ZRANB3: variants seen among roughly 807,000 people sequenced by gnomAD.
ZRANB3 encodes DNA annealing helicase and endonuclease ZRANB3.
A neutral mutation model predicts 133.8 loss-of-function variants in ZRANB3; 125 were observed. That is an observed-to-expected ratio of 0.93 (90% CI 0.81 to 1.08). The LOEUF (loss-of-function observed/expected upper bound fraction) is 1.08, where lower values mean the gene tolerates loss of function less well. ZRANB3 is among the 50% of genes least tolerant of loss of function. The probability of loss-of-function intolerance (pLI) is 0.00; values close to 1 mark genes in which losing one functional copy is unlikely to be tolerated. For synonymous variants in ZRANB3, 387 were observed against 432.7 expected, an observed-to-expected ratio of 0.89 and a Z score of 1.31; for missense variants, 1,229 against 1,275.5, an observed-to-expected ratio of 0.96 and a Z score of 0.56.
At chr2:135,451,635 C>CA (rs369120911) in intron 2 of ZRANB3, among the ~76,000 whole-genome samples, 3 of 150,888 alleles carry the variant, frequency 2.0e-5, no homozygotes, top group East Asian at 1.9e-4. Context: ...AAAACAGAAA[C>CA]AAAAAATCAC....
chr2:135,379,793 C>A (rs1306528829), intron 3 of ZRANB3, among the ~76,000 whole-genome samples: 1 of 152,124 alleles, frequency 6.6e-6, no homozygotes, highest in Non-Finnish European at 1.5e-5. Context: ...ATGACAGGAT[C>A]AAATGCACAC....
intron 6 of ZRANB3, among the ~76,000 whole-genome samples, chr2:135,332,258 T>TCAAAC (rs1684181096): frequency 6.6e-6 from 1 of 152,124 alleles, no homozygotes; most frequent in African/African-American, 2.4e-5. Flanking sequence ...TACCTCCCTA[T>TCAAAC]TAAGTTCCAC....
intron 1 of ZRANB3, among the ~76,000 whole-genome samples, chr2:135,516,952 T>C (rs959746722): frequency 6.6e-6 from 1 of 152,164 alleles, no homozygotes; most frequent in Non-Finnish European, 1.5e-5. Flanking sequence ...CCATATTTCT[T>C]GGAGGCTTTG....
At chr2:135,461,746 T>A (rs557155645) in intron 2 of ZRANB3, among the ~76,000 whole-genome samples, 17 of 152,302 alleles carry the variant, frequency 1.1e-4, no homozygotes, top group African/African-American at 3.4e-4. Context: ...ATGATACTAG[T>A]TCTGAAGTCA....
intron 12 of ZRANB3, among the ~76,000 whole-genome samples, chr2:135,248,569 ACT>A (rs1294395731): frequency 6.6e-6 from 1 of 150,594 alleles, no homozygotes; most frequent in Non-Finnish European, 1.5e-5. Context: ...TCTATAAGAA[ACT>A]TAAACAAATT....
intron 3 of ZRANB3, among the ~76,000 whole-genome samples, chr2:135,390,327 G>C (rs1171718066): frequency 1.3e-5 from 2 of 152,102 alleles, no homozygotes; most frequent in Non-Finnish European, 2.9e-5. Flanking sequence ...CCATTTCAGA[G>C]AGAAAACACG....
chr2:135,418,461 A>T (rs13432354), intron 2 of ZRANB3, among the ~76,000 whole-genome samples: 12,084 of 152,026 alleles, frequency 0.079, 1,555 homozygotes, highest in African/African-American at 0.27. Flanking sequence ...GTTTTTTTTT[A>T]AAATCTAGGG....
At chr2:135,215,965 C>G (rs2105049190) in intron 17 of ZRANB3, among the ~76,000 whole-genome samples, 1 of 152,204 alleles carries the variant, frequency 6.6e-6, no homozygotes, top group Admixed American at 6.5e-5. Context: ...GACCAAATTG[C>G]TCCAAATTGA....
chr2:135,482,266 T>C (rs913961392), intron 2 of ZRANB3, among the ~76,000 whole-genome samples: 1 of 134,642 alleles, frequency 7.4e-6, no homozygotes, highest in African/African-American at 3.5e-5. Context: ...TGTTCTTCCA[T>C]TTGTTTGTAT....
At chr2:135,414,395 A>T (rs1688455816) in intron 2 of ZRANB3, among the ~76,000 whole-genome samples, 1 of 152,210 alleles carries the variant, frequency 6.6e-6, no homozygotes, top group Admixed American at 6.5e-5. Context: ...GTTCAACAAG[A>T]AGAGCTAACT....
At chr2:135,461,923 A>G (rs889347539) in intron 2 of ZRANB3, among the ~76,000 whole-genome samples, 7 of 152,202 alleles carry the variant, frequency 4.6e-5, no homozygotes, top group African/African-American at 1.7e-4. Flanking sequence ...CTCTAGGCAA[A>G]GTAAGATTCA....
chr2:135,478,946 T>C (rs1046971459), intron 2 of ZRANB3, among the ~76,000 whole-genome samples: 1 of 151,956 alleles, frequency 6.6e-6, no homozygotes. Context: ...TACATACTTA[T>C]ATATGTTATA....
chr2:135,208,881 C>A lies in ZRANB3; in HGVS notation c.2593G>T (p.Asp865Tyr). The A allele has an allele frequency of 6.2e-7, 1 of 1,613,858 alleles. No individual in the cohort carries two copies. The highest frequency in any genetic ancestry group is 8.5e-7 in the Non-Finnish European group (1 of 1,179,792). ...GAAAAACCTTACTTTGTGAAAGGAT[C>A]CCGTGGCCTGGACTCCTTTGTGATC... is the stretch of plus-strand genomic sequence containing the variant. ...RLITKESRPR[D>Y]PFTKKLLEDG... is the part of the protein sequence containing the mutation. The change falls in exon 18 of 21, where the codon GAT becomes TAT. Residue 865 changes from aspartate (D) to tyrosine (Y), a missense_variant. Coordinates refer to ENST00000264159, the MANE Select transcript of ZRANB3 (RefSeq NM_032143.4).
chr2:135,525,809 T>C (rs1208315576), intron 1 of ZRANB3, among the ~76,000 whole-genome samples: 3 of 148,396 alleles, frequency 2.0e-5, no homozygotes, highest in Non-Finnish European at 3.0e-5. Flanking sequence ...GATCACACCA[T>C]TGCACTCTGG....
intron 19 of ZRANB3, among the ~76,000 whole-genome samples, chr2:135,204,748 TTATA>T (rs1244168631): frequency 6.9e-6 from 1 of 144,954 alleles, no homozygotes; most frequent in African/African-American, 2.5e-5. Flanking sequence ...TATATTTATA[TTATA>T]TATTTATATA....
At chr2:135,215,261 T>C (rs183144421) in intron 17 of ZRANB3, among the ~76,000 whole-genome samples, 1 of 151,850 alleles carries the variant, frequency 6.6e-6, no homozygotes, top group East Asian at 1.9e-4. Context: ...TTTGTTTTAT[T>C]TTATTTTATT....
In ZRANB3 at chr2:135,353,457, C is replaced by A; in HGVS notation, c.352G>T (p.Asp118Tyr). ...EEINVIQNKT[D>Y]VRRMSTSKVT... ...TTAAACAGTTGTTCTTACCTAACAT[C>A]AGTTTTATTCTGAATAACATTGATT... is the stretch of plus-strand genomic sequence containing the variant. The change falls in exon 4 of 21, where the codon GAT becomes TAT. Residue 118 changes from aspartate (D) to tyrosine (Y), a missense_variant. By Grantham distance (160) the Asp-to-Tyr change is radical (BLOSUM62 -3). Transcript: ENST00000264159. 6.3e-7 allele frequency: 1 copy of A among 1,575,350 alleles called. No homozygotes were observed. The highest frequency in any genetic ancestry group is 1.2e-5 in the South Asian group (1 of 83,574).
intron 6 of ZRANB3, among the ~76,000 whole-genome samples, chr2:135,326,454 G>A (rs913326841): frequency 4.6e-5 from 7 of 152,014 alleles, no homozygotes; most frequent in Admixed American, 3.9e-4. Context: ...TTTAAATGGG[G>A]ATTAAAATTT....
intron 1 of ZRANB3, among the ~76,000 whole-genome samples, chr2:135,506,866 G>A (rs957388999): frequency 2.0e-5 from 3 of 152,144 alleles, no homozygotes; most frequent in African/African-American, 7.2e-5. Context: ...GCTTCAGTAG[G>A]CAATTGAATT....
Sources: gnomAD v4.1 joint callset for allele counts (sites outside exome capture counted in the v4.1 genomes callset) on GRCh38, gnomAD v4.1.1 for gene constraint, MANE v1.5 for transcripts, NCBI Gene and HGNC (gene_info 2026-07-23, HGNC 2026-07-21) for gene names.